Variants in MRFAP1L1 observed in about 807,000 individuals in gnomAD.
MRFAP1L1 encodes MORF4 family-associated protein 1-like 1.
MRFAP1L1 carries 9 observed loss-of-function variants against 10.6 expected under a neutral mutation model. The ratio of observed to expected loss-of-function variants is 0.85; its 90% confidence interval spans 0.51 to 1.48. MRFAP1L1 has a LOEUF of 1.48. Ranked by LOEUF, MRFAP1L1 falls within the 40% of genes most tolerant of loss-of-function variation. The probability of loss-of-function intolerance (pLI) is 0.00; values close to 1 mark genes in which losing one functional copy is unlikely to be tolerated. For missense variants in MRFAP1L1, 177 were observed against 171.4 expected (o/e 1.03, Z -0.18); for synonymous variants, 78 against 70.4 (o/e 1.11, Z -0.54).
Position 6,709,688 on chromosome 4 carries a change from A to G in MRFAP1L1, c.-59T>C. 6.4e-7 allele frequency: 1 copy of G among 1,564,088 alleles called. No homozygotes were observed. Among genetic ancestry groups the G allele is most frequent in the Non-Finnish European group, 8.7e-7 (1 of 1,149,948 alleles). ...GGCGTTCTTCTCACCGGAACCCTCCAAGAACTGGAGATCAGCAGTTACTGC... is the reference window on the plus strand; with the variant it reads ...GGCGTTCTTCTCACCGGAACCCTCCGAGAACTGGAGATCAGCAGTTACTGC... On this transcript the variant is annotated 5_prime_UTR_variant, in exon 1 of 2. Coordinates refer to ENST00000320848, the MANE Select transcript of MRFAP1L1 (RefSeq NM_203462.3).
In MRFAP1L1 at chr4:6,709,345, C is replaced by T. The variant is rs1560131799; in HGVS notation, c.285G>A (p.Glu95=). The T allele has an allele frequency of 6.2e-7, 1 of 1,614,282 alleles. No homozygotes were observed. Among genetic ancestry groups the T allele is most frequent in the Non-Finnish European group, 8.5e-7 (1 of 1,180,054 alleles). ...PSGEADERVS[E]LCEKAEEKAK... is the part of the protein sequence containing the mutation. The stretch of plus-strand genomic sequence containing the variant: ...CTTTCTCCTCAGCCTTCTCGCACAA[C>T]TCCGACACTCTCTCGTCGGCTTCGC... Residue 95 remains glutamate, a synonymous_variant, in exon 1 of 2, where the codon GAG becomes GAA. Coordinates refer to ENST00000320848, the MANE Select transcript of MRFAP1L1 (RefSeq NM_203462.3).
intron 1 of MRFAP1L1, 103 bp downstream of exon 1, chr4:6,709,128 G>A (rs1448897368): frequency 8.9e-6 from 11 of 1,237,286 alleles, no homozygotes; most frequent in Non-Finnish European, 1.2e-5. Flanking sequence ...GCAATAAAAT[G>A]GGGGATGCAG....
In MRFAP1L1 at chr4:6,709,271, C is replaced by T. The variant is rs750103058; in HGVS notation, c.359G>A (p.Arg120Gln). The change falls in exon 1 of 2, where the codon CGA becomes CAA. Residue 120 changes from arginine (R) to glutamine (Q), a missense_variant. Coordinates refer to ENST00000320848, the MANE Select transcript of MRFAP1L1 (RefSeq NM_203462.3). Reference protein sequence around the residue: ...MAEMLVELVWRIERSESS With the variant: ...MAEMLVELVWQIERSESS ...TCAAGAAGACTCGCTTCTCTCTATT[C>T]GCCAGACGAGCTCGACCAGCATCTC... 7.4e-6 allele frequency: 12 copies of T among 1,614,094 alleles called. No homozygotes were observed. The Admixed American group carries it at 1.7e-4, about 22-fold the overall frequency.
chr4:6,709,537 G>C lies in MRFAP1L1; in HGVS notation c.93C>G (p.Val31=), dbSNP rs1714721882. The change falls in exon 1 of 2, where the codon GTC becomes GTG. Residue 31 remains valine, a synonymous_variant. Transcript: ENST00000320848. ...CGATGTCCTCGCGCATCTCGTTGAT[G>C]ACCGGGAGCAGGAACTGCTCGAAAT... is the stretch of plus-strand genomic sequence containing the variant. ...EEDFEQFLLP[V]INEMREDIAS... is the part of the protein sequence containing the mutation. 6.2e-7 allele frequency: 1 copy of C among 1,614,130 alleles called. No homozygotes were observed. Among genetic ancestry groups the C allele is most frequent in the Non-Finnish European group, 8.5e-7 (1 of 1,180,056 alleles).
chr4:6,708,883 T>G (rs766327067), intron 1 of MRFAP1L1: 5 of 264,014 alleles, frequency 1.9e-5, no homozygotes, highest in Non-Finnish European at 3.0e-5. Context: ...GGCCTAGGTC[T>G]TCTTTGGCTT....
At chr4:6,709,154 T>C in intron 1 of MRFAP1L1, 77 bp downstream of exon 1, 2 of 1,504,802 alleles carry the variant, frequency 1.3e-6, no homozygotes, top group Admixed American at 1.9e-5. Context: ...GAACATAACT[T>C]TTTACAGGGC....
intron 1 of MRFAP1L1, 183 bp from the exon 2 acceptor site, chr4:6,708,826 T>A: frequency 9.8e-6 from 1 of 102,004 alleles, no homozygotes. Flanking sequence ...CTTTACTCTT[T>A]ATTTCTCCTT....
chr4:6,709,766 A>ATT lies in MRFAP1L1; in HGVS notation c.-139_-138dup. 2 of 1,158,782 alleles carry ATT rather than the reference A, an allele frequency of 1.7e-6. No homozygotes were observed. The highest frequency in any genetic ancestry group is 2.4e-6 in the Non-Finnish European group (2 of 836,308). 71.8% of individuals were successfully genotyped at this position (1,158,782 alleles called of 1,614,324 possible). ...TCAATTGTACTCCCGAATTATCTTT[A>ATT]TTTTTTTTTCTTCCTTTTAATTGTA... On this transcript the variant is annotated 5_prime_UTR_variant, in exon 1 of 2. Transcript: ENST00000320848.
chr4:6,709,024 A>C, intron 1 of MRFAP1L1: 1 of 582,998 alleles, frequency 1.7e-6, no homozygotes, highest in East Asian at 2.9e-5. Context: ...TGGGAGGGAG[A>C]GGCCACAAAA....
rs780808717 is a variant in MRFAP1L1, at chr4:6,709,268, A to T, written c.362T>A (p.Ile121Lys). 1 of 1,614,122 alleles carries T rather than the reference A, an allele frequency of 6.2e-7. No homozygotes were observed. Among genetic ancestry groups the T allele is most frequent in the Admixed American group, 1.7e-5 (1 of 60,026 alleles). ...CCTTCAAGAAGACTCGCTTCTCTCT[A>T]TTCGCCAGACGAGCTCGACCAGCAT... The part of the protein sequence containing the change: ...AEMLVELVWR[I>K]ERSESS Residue 121 changes from isoleucine to lysine, a missense_variant, in exon 1 of 2, where the codon ATA becomes AAA. By Grantham distance (102) the Ile-to-Lys change is moderately radical. Transcript: ENST00000320848.
chr4:6,709,199 T>G (rs780942648), intron 1 of MRFAP1L1, 32 bp downstream of exon 1: 1 of 1,597,294 alleles, frequency 6.3e-7, no homozygotes, highest in Non-Finnish European at 8.6e-7. Context: ...CTACTGAGTT[T>G]CATCCAAGCT....
At chr4:6,708,911 T>G (rs1298575304) in intron 1 of MRFAP1L1, 1 of 323,208 alleles carries the variant, frequency 3.1e-6, no homozygotes, top group African/African-American at 2.1e-5. Flanking sequence ...ACTCCCTTAG[T>G]GCCTAGACAG....
chr4:6,709,102 A>G, intron 1 of MRFAP1L1, 129 bp downstream of exon 1: 1 of 1,053,614 alleles, frequency 9.5e-7, no homozygotes, highest in Non-Finnish European at 1.4e-6. Flanking sequence ...TTTGTTCCCA[A>G]TGCTCAATTT....
rs1005436022 is a variant in MRFAP1L1 at position 6,709,829 on chromosome 4, T to G, written c.-200A>C. On this transcript the variant is annotated 5_prime_UTR_variant, in exon 1 of 2. Transcript: ENST00000320848. ...CACAACTCTGCGGGAAGAATCGCCG[T>G]GGATGCACACAAATAAGCGGCCTAC... 4.1e-6 allele frequency: 3 copies of G among 732,482 alleles called. No individual in the cohort carries two copies. The highest frequency in any genetic ancestry group is 4.4e-6 in the Non-Finnish European group (2 of 454,534). 45.4% of individuals were successfully genotyped at this position (732,482 alleles called of 1,614,324 possible).
At chr4:6,709,097 T>C in intron 1 of MRFAP1L1, 134 bp downstream of exon 1, 1 of 1,010,076 alleles carries the variant, frequency 9.9e-7, no homozygotes, top group Non-Finnish European at 1.4e-6. Flanking sequence ...CCAACTTTGT[T>C]CCCAATGCTC....
In MRFAP1L1 at chr4:6,709,267, T is replaced by C. The variant is rs1333677336; in HGVS notation, c.363A>G (p.Ile121Met). 3.7e-6 allele frequency: 6 copies of C among 1,614,056 alleles called. No homozygotes were observed. Among genetic ancestry groups the C allele is most frequent in the African/African-American group, 1.3e-5 (1 of 74,942 alleles). Residue 121 changes from isoleucine to methionine, a missense_variant, in exon 1 of 2, where the codon ATA (isoleucine) becomes ATG (methionine). Ile to Met is a conservative substitution (Grantham distance 10). Transcript: ENST00000320848. ...TCCTTCAAGAAGACTCGCTTCTCTC[T>C]ATTCGCCAGACGAGCTCGACCAGCA... ...AEMLVELVWR[I>M]ERSESS
chr4:6,709,207 G>A, intron 1 of MRFAP1L1, 24 bp downstream of exon 1: 1 of 1,601,986 alleles, frequency 6.2e-7, no homozygotes, highest in Admixed American at 1.7e-5. Flanking sequence ...TTTCATCCAA[G>A]CTCCAGCTAG....
In MRFAP1L1 at chr4:6,709,792, A is replaced by C; in HGVS notation, c.-163T>G. 1.0e-6 allele frequency: 1 copy of C among 990,068 alleles called. No homozygotes were observed. Among genetic ancestry groups the C allele is most frequent in the Non-Finnish European group, 1.5e-6 (1 of 683,498 alleles). 61.3% of individuals were successfully genotyped at this position (990,068 alleles called of 1,614,324 possible). On this transcript the variant is annotated 5_prime_UTR_variant, in exon 1 of 2. Coordinates refer to ENST00000320848, the MANE Select transcript of MRFAP1L1 (RefSeq NM_203462.3). ...TTTTTTTTTCTTCCTTTTAATTGTAAGCCTTTCGCTTCACAACTCTGCGGG... is the reference window on the plus strand; with the variant it reads ...TTTTTTTTTCTTCCTTTTAATTGTACGCCTTTCGCTTCACAACTCTGCGGG...
chr4:6,709,194 G>C, intron 1 of MRFAP1L1, 37 bp downstream of exon 1: 1 of 1,593,740 alleles, frequency 6.3e-7, no homozygotes, highest in Non-Finnish European at 8.6e-7. Flanking sequence ...GGCGACTACT[G>C]AGTTTCATCC....
Sources: gnomAD v4.1 joint callset for allele counts on GRCh38, gnomAD v4.1.1 for gene constraint, MANE v1.5 for transcripts, NCBI Gene and HGNC (gene_info 2026-07-23, HGNC 2026-07-21) for gene names.